Variants in ADCY5 observed in about 807,000 individuals in gnomAD.
ADCY5 encodes the protein adenylate cyclase 5.
In ADCY5, 30 loss-of-function variants were observed where a neutral mutation model predicts 119.7. That is an observed-to-expected ratio of 0.25 (90% CI 0.19 to 0.34). The LOEUF (loss-of-function observed/expected upper bound fraction) is 0.34, where lower values mean the gene tolerates loss of function less well. Among genes scored for constraint, ADCY5 ranks in the 10% least tolerant of loss-of-function variants. The pLI, the probability that ADCY5 is intolerant of heterozygous loss-of-function variation, is 1.00. For missense variants in ADCY5, 1,324 were observed against 1,775.2 expected (o/e 0.75, Z 4.57); for synonymous variants, 753 against 762.2 (o/e 0.99, Z 0.20).
intron 1 of ADCY5, among the ~76,000 whole-genome samples, chr3:123,424,419 G>A (rs531896713): frequency 6.6e-6 from 1 of 152,328 alleles, no homozygotes; most frequent in East Asian, 1.9e-4. Context: ...TCCCCAGGGG[G>A]AAGGCGAGTG....
At chr3:123,290,616 T>C (rs1439926156) in intron 18 of ADCY5, among the ~76,000 whole-genome samples, 1 of 152,224 alleles carries the variant, frequency 6.6e-6, no homozygotes, top group African/African-American at 2.4e-5. Flanking sequence ...ATGCTTCAAT[T>C]TGGCCTCTGC....
chr3:123,359,447 C>T (rs992950880), intron 1 of ADCY5, among the ~76,000 whole-genome samples: 2 of 150,224 alleles, frequency 1.3e-5, no homozygotes, highest in African/African-American at 2.5e-5. Context: ...TCAAACCACA[C>T]CTGCCCTCCC....
intron 12 of ADCY5, among the ~76,000 whole-genome samples, chr3:123,313,676 G>A (rs1940715835): frequency 6.6e-6 from 1 of 152,184 alleles, no homozygotes; most frequent in Non-Finnish European, 1.5e-5. Flanking sequence ...TAAGAGATAT[G>A]GGAGAAAAAC....
chr3:123,349,699 A>AC, intron 2 of ADCY5, among the ~76,000 whole-genome samples: 1 of 151,580 alleles, frequency 6.6e-6, no homozygotes, highest in East Asian at 2.0e-4. Context: ...CGCTCCTGCC[A>AC]CCCCCAGACT....
chr3:123,443,287 C>T (rs551960852), intron 1 of ADCY5, among the ~76,000 whole-genome samples: 5 of 152,162 alleles, frequency 3.3e-5, no homozygotes, highest in African/African-American at 7.2e-5. Flanking sequence ...AGCCAGAGGT[C>T]GAGGTCCGAA....
At position 123,291,108 on chromosome 3, in the gene ADCY5, T is replaced by G. The variant is rs61734575; in HGVS notation, c.3327+5A>C. 130 of 1,610,066 alleles carry G rather than the reference T, an allele frequency of 8.1e-5. No homozygotes were observed. The highest frequency in any genetic ancestry group is 9.3e-5 in the Non-Finnish European group (110 of 1,177,520). ...ACACAGCCTGACCCAGGCCCCGCTG[T>G]GCACCTCATCAAAGTCAGCGATGAT... is the stretch of plus-strand genomic sequence containing the variant. On this transcript the variant is annotated splice_donor_5th_base_variant and intron_variant, in intron 18 of 20. Transcript: ENST00000462833.
intron 2 of ADCY5, among the ~76,000 whole-genome samples, chr3:123,350,601 G>A (rs1942790721): frequency 6.6e-6 from 1 of 152,208 alleles, no homozygotes; most frequent in South Asian, 2.1e-4. Context: ...TCATCACAGG[G>A]CACCTAGAAG....
chr3:123,393,944 G>C (rs1367126694), intron 1 of ADCY5, among the ~76,000 whole-genome samples: 3 of 152,142 alleles, frequency 2.0e-5, no homozygotes, highest in African/African-American at 7.2e-5. Context: ...GACCAGGCTG[G>C]CCAACATGGT....
At chr3:123,315,044 G>A (rs572680854) in intron 11 of ADCY5, among the ~76,000 whole-genome samples, 1 of 152,306 alleles carries the variant, frequency 6.6e-6, no homozygotes, top group Admixed American at 6.5e-5. Context: ...TCAGACAAAA[G>A]AGCTGTAAGT....
intron 10 of ADCY5, 81 bp downstream of exon 10, chr3:123,319,593 G>A (rs1177708442): frequency 6.5e-7 from 1 of 1,549,298 alleles, no homozygotes; most frequent in Non-Finnish European, 8.8e-7. Context: ...GGGGGCATGA[G>A]GGAGCCCTCC....
intron 1 of ADCY5, among the ~76,000 whole-genome samples, chr3:123,417,713 T>C (rs936856307): frequency 6.6e-6 from 1 of 152,188 alleles, no homozygotes; most frequent in Non-Finnish European, 1.5e-5. Context: ...AAATCAGCCA[T>C]GGAATAGCCA....
intron 15 of ADCY5, among the ~76,000 whole-genome samples, 196 bp from the exon 16 acceptor site, chr3:123,297,578 G>C (rs1345807653): frequency 1.3e-5 from 2 of 152,188 alleles, no homozygotes; most frequent in African/African-American, 4.8e-5. Flanking sequence ...AACTAGCATT[G>C]GATACTCATG....
chr3:123,399,363 G>A (rs927430965), intron 1 of ADCY5, among the ~76,000 whole-genome samples: 3 of 152,044 alleles, frequency 2.0e-5, no homozygotes, highest in Non-Finnish European at 4.4e-5. Flanking sequence ...TACACATATA[G>A]CTCACATTAT....
intron 7 of ADCY5, 138 bp from the exon 8 acceptor site, chr3:123,325,600 G>C (rs1941447123): frequency 8.7e-7 from 1 of 1,145,612 alleles, no homozygotes; most frequent in Non-Finnish European, 1.3e-6. Context: ...TGGAGCCAGA[G>C]CTCGGCCCAG....
At chr3:123,344,889 T>C (rs1050677172) in intron 3 of ADCY5, among the ~76,000 whole-genome samples, 14 of 152,180 alleles carry the variant, frequency 9.2e-5, no homozygotes, top group Non-Finnish European at 1.6e-4. Context: ...GCCACCTCTG[T>C]CCCTGGCGAT....
intron 1 of ADCY5, among the ~76,000 whole-genome samples, chr3:123,436,709 A>AAAT (rs1174862044): frequency 1.3e-5 from 2 of 152,112 alleles, no homozygotes; most frequent in Non-Finnish European, 2.9e-5. Context: ...CCATCTCAAA[A>AAAT]AATAATAATA....
chr3:123,401,097 C>T (rs1369861560), intron 1 of ADCY5, among the ~76,000 whole-genome samples: 4 of 152,238 alleles, frequency 2.6e-5, no homozygotes, highest in South Asian at 2.1e-4. Flanking sequence ...TTCATTGTAA[C>T]GCTAATAGTG....
rs1001026654 is a variant in ADCY5, at chr3:123,286,156, G to A, written c.3657+529C>T. On this transcript the variant is annotated intron_variant, in intron 20 of 20. Transcript: ENST00000462833. This position sits in a 1 kb window ranked among gnomAD's most constrained non-coding sequence, Gnocchi z 4.2. ...AGCAGCAGCTGAAGAACAGCAGGCC[G>A]GGAAACCACAAGCCCAGCTCGCAAA... 6.6e-5 allele frequency among the ~76,000 whole-genome samples: 10 copies of A among 151,716 alleles called. No homozygotes were observed. Among genetic ancestry groups the A allele is most frequent in the Non-Finnish European group, 1.5e-4 (10 of 68,034 alleles).
At position 123,338,888 on chromosome 3, in the gene ADCY5, C is replaced by CAGGA. The variant is rs1390545103; in HGVS notation, c.1407-6214_1407-6213insTCCT. ...CATGACTTTATGAAGCTGTCAGAGC[C>CAGGA]TGGCCCTGCTCCTGTGCACATCCTG... On this transcript the variant is annotated intron_variant, in intron 3 of 20. Transcript: ENST00000462833. Among the ~76,000 whole-genome samples the CAGGA allele has an allele frequency of 9.6e-3, 1,456 of 152,312 alleles. 20 individuals carry two copies. Among genetic ancestry groups the CAGGA allele is most frequent in the African/African-American group, 0.032 (1,349 of 41,540 alleles).
Sources: allele counts gnomAD v4.1 joint callset (sites outside exome capture counted in the v4.1 genomes callset), GRCh38; gene constraint gnomAD v4.1.1; non-coding constraint Gnocchi (gnomAD v3.1); transcripts MANE v1.5; gene names NCBI Gene and HGNC (gene_info 2026-07-23, HGNC 2026-07-21).